MTCL1: variants seen among roughly 807,000 people sequenced by gnomAD.
MTCL1 encodes microtubule cross-linking factor 1.
Under a neutral mutation model 141.4 loss-of-function variants are expected in MTCL1, and 79 were observed. That is an observed-to-expected ratio of 0.56 (90% CI 0.47 to 0.67). MTCL1 has a LOEUF of 0.67. MTCL1 is among the 30% of genes least tolerant of loss of function. The pLI is 0.00. For synonymous variants in MTCL1, 914 were observed against 875.8 expected (o/e 1.04, Z -0.77); for missense variants, 2,177 against 2,113.9 (o/e 1.03, Z -0.59).
At chr18:8,755,880 C>T (rs1276046776) in intron 4 of MTCL1, among the ~76,000 whole-genome samples, 1 of 152,196 alleles carries the variant, frequency 6.6e-6, no homozygotes, top group Non-Finnish European at 1.5e-5. Context: ...TGGCTCATGC[C>T]TGTAATCCCT....
At chr18:8,757,388 G>A (rs560562415) in intron 4 of MTCL1, among the ~76,000 whole-genome samples, 4 of 152,320 alleles carry the variant, frequency 2.6e-5, no homozygotes, top group South Asian at 4.2e-4. Context: ...GATAAAAGAT[G>A]TGTGTCCCGG....
chr18:8,756,766 C>T (rs534072733), intron 4 of MTCL1, among the ~76,000 whole-genome samples: 22 of 152,256 alleles, frequency 1.4e-4, no homozygotes, highest in African/African-American at 4.8e-4. Flanking sequence ...GTGGCCAAAC[C>T]GCAGGGTGCT....
rs374794299 is a variant in MTCL1 at position 8,722,967 on chromosome 18, G to A, written c.357+2471G>A. Among the ~76,000 whole-genome samples the A allele has an allele frequency of 9.2e-5, 14 of 152,364 alleles. No homozygotes were observed. In the East Asian group the frequency reaches 2.5e-3, roughly 27 times the overall value. On this transcript the variant is annotated intron_variant, in intron 4 of 16. Coordinates refer to ENST00000359865, the Ensembl canonical transcript of MTCL1. ...CTCTTGACATTCAAAAGCAAGGCCA[G>A]AGTGAGACAAGTATCTTCAGAGAAC...
At chr18:8,809,073 C>T (rs776401594) in intron 11 of MTCL1, among the ~76,000 whole-genome samples, 2 of 151,656 alleles carry the variant, frequency 1.3e-5, no homozygotes, top group Non-Finnish European at 2.9e-5. Flanking sequence ...GAGCATGGCT[C>T]ATTTGAGAAG....
upstream of MTCL1, among the ~76,000 whole-genome samples, chr18:8,714,811 T>C (rs535494350): frequency 6.6e-6 from 1 of 152,026 alleles, no homozygotes; most frequent in Admixed American, 6.5e-5. Context: ...TCTCTTTTTT[T>C]TTTGAGGTGG....
chr18:8,781,700 C>A (rs11661231), intron 5 of MTCL1, among the ~76,000 whole-genome samples: 68,808 of 152,034 alleles, frequency 0.45, 15,966 homozygotes, highest in Admixed American at 0.59. Flanking sequence ...ACCCTCACAA[C>A]GACGTTGTGG....
At chr18:8,706,311 C>A in exon 1 of MTCL1, 3 of 1,230,252 alleles carry the variant, frequency 2.4e-6, no homozygotes, top group Non-Finnish European at 3.0e-6. Flanking sequence ...ACTGCCCCTC[C>A]GAACCCCTGT....
At chr18:8,744,923 G>A (rs951663261) in intron 4 of MTCL1, among the ~76,000 whole-genome samples, 5 of 152,200 alleles carry the variant, frequency 3.3e-5, no homozygotes, top group Non-Finnish European at 7.3e-5. Context: ...TGTTTGGGAG[G>A]GGGTGGCCCT....
Position 8,783,690 on chromosome 18 carries a change from CG to C in MTCL1, c.583del (p.Glu195LysfsTer13). 6.2e-7 allele frequency: 1 copy of C among 1,610,232 alleles called. No individual in the cohort carries two copies. Among genetic ancestry groups the C allele is most frequent in the Non-Finnish European group, 8.5e-7 (1 of 1,178,060 alleles). On this transcript the variant is annotated frameshift_variant, in exon 6 of 17. Coordinates refer to ENST00000359865, the Ensembl canonical transcript of MTCL1. LOFTEE classifies it high-confidence loss of function. ...GGGGATGTGGACAGTCCCCTGCCCA[CG>C]GGGGAAGCAGGCGGGCCCCCCAGCA... is the stretch of plus-strand genomic sequence containing the variant.
intron 16 of MTCL1, chr18:8,829,515 T>C: frequency 2.1e-6 from 2 of 958,892 alleles, no homozygotes; most frequent in Non-Finnish European, 2.5e-6. Flanking sequence ...TAAATATTTG[T>C]TGAATGAATA....
chr18:8,776,104 G>A (rs2096507043), intron 4 of MTCL1, among the ~76,000 whole-genome samples: 1 of 152,238 alleles, frequency 6.6e-6, no homozygotes, highest in African/African-American at 2.4e-5. Flanking sequence ...GGGCACCCAG[G>A]AATAAAGCCG....
At position 8,759,166 on chromosome 18, in the gene MTCL1, G is replaced by A. The variant is rs145012404; in HGVS notation, c.358-18667G>A. On this transcript the variant is annotated intron_variant, in intron 4 of 16. Coordinates refer to ENST00000359865, the Ensembl canonical transcript of MTCL1. Reference sequence around the variant, plus strand: ...AGTAGCAGATCACATGCACGATGACGCTGAATGCTTCTAAACTTATTGATG... The same window carrying A: ...AGTAGCAGATCACATGCACGATGACACTGAATGCTTCTAAACTTATTGATG... 9.2e-5 allele frequency among the ~76,000 whole-genome samples: 14 copies of A among 152,368 alleles called. No individual in the cohort carries two copies. The South Asian group carries it at 1.9e-3, about 20-fold the overall frequency.
chr18:8,777,704 G>A (rs2096516790), intron 4 of MTCL1, 129 bp from the exon 4 acceptor site: 3 of 741,298 alleles, frequency 4.0e-6, no homozygotes, highest in Non-Finnish European at 6.7e-6. Context: ...TACACAAGTT[G>A]TTTCTTGATT....
rs2076880074 is a variant in MTCL1 at position 8,822,536 on chromosome 18, C to T, written c.3188+1038C>T. ...GAATTCCTGACCTCAGGTGATCCAC[C>T]CGCCTCAGCCTCCCGAAGTGCTGGG... On this transcript the variant is annotated intron_variant, in intron 14 of 16. Transcript: ENST00000359865. This position sits in a 1 kb window ranked among gnomAD's most constrained non-coding sequence, Gnocchi z 4.6. 6.6e-6 allele frequency among the ~76,000 whole-genome samples: 1 copy of T among 152,178 alleles called. No individual in the cohort carries two copies. Among genetic ancestry groups the T allele is most frequent in the Non-Finnish European group, 1.5e-5 (1 of 68,030 alleles).
exon 1 of MTCL1, chr18:8,706,581 A>G: frequency 6.7e-7 from 1 of 1,489,004 alleles, no homozygotes; most frequent in South Asian, 1.3e-5. Context: ...GGCGCTCGCC[A>G]CCGGAGCGAC....
intron 4 of MTCL1, among the ~76,000 whole-genome samples, chr18:8,750,125 C>T (rs2096363063): frequency 1.3e-5 from 2 of 151,988 alleles, no homozygotes; most frequent in South Asian, 2.1e-4. Flanking sequence ...CTCACTGCAA[C>T]CTTTGCCTCC....
Position 8,786,662 on chromosome 18 carries a change from GTGT to G in MTCL1, c.1887+575_1887+577del, listed in dbSNP as rs1190040216. ...GCCACCACAGAGACCATGGTTGGAAGTGTTGTCAGCAGCCTGGAAGAGTGAAAG... is the reference window on the plus strand; with the variant it reads ...GCCACCACAGAGACCATGGTTGGAAGTGTCAGCAGCCTGGAAGAGTGAAAG... On this transcript the variant is annotated intron_variant, in intron 7 of 16. Coordinates refer to ENST00000359865, the Ensembl canonical transcript of MTCL1. 3 of 282,284 alleles carry G rather than the reference GTGT, an allele frequency of 1.1e-5. No homozygotes were observed. The East Asian group carries it at 2.4e-4, about 23-fold the overall frequency. 17.5% of individuals were successfully genotyped at this position (282,284 alleles called of 1,614,324 possible).
intron 16 of MTCL1, 133 bp from the exon 15 acceptor site, chr18:8,831,474 A>G (rs888220688): frequency 3.5e-6 from 5 of 1,447,614 alleles, no homozygotes; most frequent in Middle Eastern, 1.8e-4. Context: ...CATAGAAAGT[A>G]GTTAATATTC....
chr18:8,795,104 A>G (rs1463797447), intron 8 of MTCL1, among the ~76,000 whole-genome samples: 1 of 152,218 alleles, frequency 6.6e-6, no homozygotes, highest in East Asian at 1.9e-4. Context: ...TTTCAGCCAA[A>G]ACTACAGTAA....
Sources: allele counts gnomAD v4.1 joint callset (sites outside exome capture counted in the v4.1 genomes callset), GRCh38; gene constraint gnomAD v4.1.1; non-coding constraint Gnocchi (gnomAD v3.1); transcripts MANE v1.5; gene names NCBI Gene and HGNC (gene_info 2026-07-23, HGNC 2026-07-21).